AKNAD1: variants seen among roughly 807,000 people sequenced by gnomAD.
AKNAD1 encodes AKNA domain containing 1.
AKNAD1 carries 67 observed loss-of-function variants against 90.8 expected under a neutral mutation model. The ratio of observed to expected loss-of-function variants is 0.74; its 90% confidence interval spans 0.61 to 0.90. The LOEUF (loss-of-function observed/expected upper bound fraction) is 0.90. AKNAD1 is among the 40% of genes least tolerant of loss of function. AKNAD1 has a pLI of 0.00. For synonymous variants in AKNAD1, 327 were observed against 341.4 expected, an observed-to-expected ratio of 0.96 and a Z score of 0.46; for missense variants, 957 against 975.4, an observed-to-expected ratio of 0.98 and a Z score of 0.25.
At chr1:108,846,252 A>T (rs1291948128) in intron 5 of AKNAD1, among the ~76,000 whole-genome samples, 2 of 152,148 alleles carry the variant, frequency 1.3e-5, no homozygotes, top group Non-Finnish European at 2.9e-5. Flanking sequence ...CCACAGGCTG[A>T]TAATGTCAGG....
At chr1:108,848,719 T>C in intron 5 of AKNAD1, 33 bp downstream of exon 5, 1 of 1,571,516 alleles carries the variant, frequency 6.4e-7, no homozygotes, top group East Asian at 2.2e-5. Context: ...TATTCTCTAA[T>C]CAAGATTTTA....
chr1:108,816,358 C>CTCTCTG (rs1663600760), intron 15 of AKNAD1, 56 bp from the exon 16 acceptor site: 1 of 1,537,444 alleles, frequency 6.5e-7, no homozygotes, highest in Admixed American at 1.9e-5. Flanking sequence ...TGTTTCTGTT[C>CTCTCTG]TTTGGGTTCT....
At chr1:108,847,534 CT>C (rs1664737350) in intron 5 of AKNAD1, among the ~76,000 whole-genome samples, 1 of 152,112 alleles carries the variant, frequency 6.6e-6, no homozygotes, top group African/African-American at 2.4e-5. Flanking sequence ...TGAAGTACCC[CT>C]GTCCACCTCC....
intron 6 of AKNAD1, among the ~76,000 whole-genome samples, chr1:108,839,312 C>T (rs1055381259): frequency 6.6e-6 from 1 of 151,934 alleles, no homozygotes; most frequent in Non-Finnish European, 1.5e-5. Context: ...GGTGAAACCC[C>T]GTCTCTACTA....
At chr1:108,857,837 T>C (rs938473350), upstream of AKNAD1, among the ~76,000 whole-genome samples, 3 of 152,222 alleles carry the variant, frequency 2.0e-5, no homozygotes, top group Admixed American at 1.3e-4. Context: ...ACGGTAAGAG[T>C]TGGCTGTTGG....
rs759040542 is a variant in AKNAD1 at position 108,849,506 on chromosome 1, A to G, written c.1033+31T>C. On this transcript the variant is annotated intron_variant, in intron 3 of 15. Transcript: ENST00000370001. ...AAAGACAAAAACAAAACATATATAT[A>G]TATCTCAAAGAAGTTTTAAAACATT... 5.8e-6 allele frequency: 8 copies of G among 1,374,160 alleles called. No homozygotes were observed. The East Asian group carries it at 1.8e-4, about 31-fold the overall frequency. The allele number at this position is 1,374,160 out of a possible 1,614,324, so 85.1% of individuals were successfully genotyped here.
Position 108,815,951 on chromosome 1 carries a change from T to C in AKNAD1, c.*220A>G, listed in dbSNP as rs1399838856. 1 of 307,788 alleles carries C rather than the reference T, an allele frequency of 3.2e-6. No homozygotes were observed. 19.1% of individuals were successfully genotyped at this position (307,788 alleles called of 1,614,324 possible). A position where few individuals can be genotyped will look rare whatever the true frequency, so the allele number is the denominator to read the frequency against. Reference sequence around the variant, plus strand: ...AGTTAAGAAGAACATAGATTTATTTTAAAATAAATACTTGTTGGTTGCTTT... The same window carrying C: ...AGTTAAGAAGAACATAGATTTATTTCAAAATAAATACTTGTTGGTTGCTTT... On this transcript the variant is annotated 3_prime_UTR_variant, in exon 16 of 16. Transcript: ENST00000370001.
In AKNAD1 at chr1:108,835,045, C is replaced by T; in HGVS notation, c.1548G>A (p.Glu516=). The T allele has an allele frequency of 1.3e-6, 2 of 1,574,778 alleles. No homozygotes were observed. Among genetic ancestry groups the T allele is most frequent in the South Asian group, 2.3e-5 (2 of 86,178 alleles). Residue 516 remains glutamate (E), a synonymous_variant, in exon 8 of 16, where the codon GAG becomes GAA. Coordinates refer to ENST00000370001, the MANE Select transcript of AKNAD1 (RefSeq NM_152763.5). ...GAGGCCCAGAAGGGTGGCCGGGGTG[C>T]TCCTTGGGAATCTGGGGGAGCCACA... The part of the protein sequence containing the change: ...FSSLSNEIPK[E]HPGHPSGPRG...
intron 10 of AKNAD1, among the ~76,000 whole-genome samples, chr1:108,829,903 G>T (rs1405799202): frequency 6.6e-6 from 1 of 152,186 alleles, no homozygotes; most frequent in Admixed American, 6.5e-5. Context: ...AAATGATACT[G>T]AATCGACACA....
At chr1:108,857,404 A>T (rs1197906367), upstream of AKNAD1, 1 of 153,168 alleles carries the variant, frequency 6.5e-6, no homozygotes, top group Non-Finnish European at 1.5e-5. Context: ...ATGACTGGGA[A>T]TCTGATGGAC....
intron 13 of AKNAD1, chr1:108,823,098 T>C: frequency 1.5e-6 from 1 of 665,406 alleles, no homozygotes; most frequent in Non-Finnish European, 2.8e-6. Flanking sequence ...CAAACATTTA[T>C]GGGTTGCTAC....
chr1:108,837,413 A>T, intron 7 of AKNAD1, 137 bp downstream of exon 7: 1 of 811,424 alleles, frequency 1.2e-6, no homozygotes, highest in Admixed American at 3.1e-5. Context: ...AAAATAATAT[A>T]ATTCATGGGA....
chr1:108,854,172 G>C (rs1028526857), intron 1 of AKNAD1, among the ~76,000 whole-genome samples: 1 of 152,182 alleles, frequency 6.6e-6, no homozygotes, highest in South Asian at 2.1e-4. Flanking sequence ...CTGCCATTTG[G>C]TATGAGTCCT....
chr1:108,824,766 T>A lies in AKNAD1; in HGVS notation c.1937-1078A>T, dbSNP rs969483025. Among the ~76,000 whole-genome samples the A allele has an allele frequency of 1.3e-5, 2 of 151,510 alleles. 1 individual carries two copies. Among genetic ancestry groups the A allele is most frequent in the African/African-American group, 4.8e-5 (2 of 41,372 alleles). On this transcript the variant is annotated intron_variant, in intron 11 of 15. Transcript: ENST00000370001. ...GTCCCTATGTTGTCCAGCCTGGTCT[T>A]GAACTCCTGGGCTCAAGCAATCCTG... is the stretch of plus-strand genomic sequence containing the variant.
chr1:108,835,887 G>C (rs1664372179), intron 7 of AKNAD1, among the ~76,000 whole-genome samples: 1 of 152,172 alleles, frequency 6.6e-6, no homozygotes, highest in Non-Finnish European at 1.5e-5. Flanking sequence ...GCCTCCCAAA[G>C]TGCTGGAATT....
intron 13 of AKNAD1, among the ~76,000 whole-genome samples, chr1:108,821,487 T>C (rs575429292): frequency 1.3e-5 from 2 of 152,234 alleles, no homozygotes; most frequent in South Asian, 4.1e-4. Flanking sequence ...TATTAGCAGA[T>C]AGAAACCAGG....
Position 108,842,244 on chromosome 1 carries a change from C to T in AKNAD1, c.1379+890G>A, listed in dbSNP as rs149546507. 1.8e-3 allele frequency among the ~76,000 whole-genome samples: 269 copies of T among 152,230 alleles called. 1 individual carries two copies. The highest frequency in any genetic ancestry group is 0.011 in the East Asian group (58 of 5,180). ...CCTTGGGGAAAAAAATGCCACAGAA[C>T]GCTAGGGCTGAAATGTAAACCATTA... is the stretch of plus-strand genomic sequence containing the variant. On this transcript the variant is annotated intron_variant, in intron 6 of 15. Transcript: ENST00000370001.
At chr1:108,825,224 C>A (rs1431040741) in intron 11 of AKNAD1, among the ~76,000 whole-genome samples, 1 of 151,668 alleles carries the variant, frequency 6.6e-6, no homozygotes, top group Non-Finnish European at 1.5e-5. Context: ...GCCTGAACCA[C>A]CCAGCTAAAG....
intron 6 of AKNAD1, among the ~76,000 whole-genome samples, chr1:108,842,477 C>G (rs1664579023): frequency 1.3e-5 from 2 of 152,188 alleles, no homozygotes; most frequent in South Asian, 4.1e-4. Context: ...CAGTTAGAAA[C>G]TTCAGTTTGG....
Sources: allele counts gnomAD v4.1 joint callset (sites outside exome capture counted in the v4.1 genomes callset), GRCh38; gene constraint gnomAD v4.1.1; transcripts MANE v1.5; gene names NCBI Gene and HGNC (gene_info 2026-07-23, HGNC 2026-07-21).